CENPN: variants seen among roughly 807,000 people sequenced by gnomAD.
The protein encoded by CENPN is interphase centromere complex protein 32.
Under a neutral mutation model 48.6 loss-of-function variants are expected in CENPN, and 36 were observed. That is an observed-to-expected ratio of 0.74 (90% CI 0.57 to 0.98). The LOEUF is 0.98. Ranked by LOEUF, CENPN falls within the 50% of genes least tolerant of loss-of-function variation. The probability of loss-of-function intolerance (pLI) is 0.00; values close to 1 mark genes in which losing one functional copy is unlikely to be tolerated. For synonymous variants in CENPN, 166 were observed against 135.2 expected, an observed-to-expected ratio of 1.23 and a Z score of -1.58; for missense variants, 439 against 399.2, an observed-to-expected ratio of 1.10 and a Z score of -0.85.
chr16:81,014,457 T>A, intron 3 of CENPN: 1 of 387,626 alleles, frequency 2.6e-6, no homozygotes, highest in South Asian at 3.6e-5. Flanking sequence ...GGTCTCCAGC[T>A]CCTGGGCTAA....
In CENPN at chr16:81,029,087, A is replaced by G. The variant is rs1970650532; in HGVS notation, c.*436A>G. 1 of 986,308 alleles carries G rather than the reference A, an allele frequency of 1.0e-6. No individual in the cohort carries two copies. The highest frequency in any genetic ancestry group is 1.2e-6 in the Non-Finnish European group (1 of 830,594). 61.1% of individuals were successfully genotyped at this position (986,308 alleles called of 1,614,324 possible). On this transcript the variant is annotated 3_prime_UTR_variant, in exon 11 of 11. Transcript: ENST00000305850. ...TCACAGAGAGAAGCAACAAGGAACTATACTCAACTCAAAACTTTTTAGGAG... is the reference window on the plus strand; with the variant it reads ...TCACAGAGAGAAGCAACAAGGAACTGTACTCAACTCAAAACTTTTTAGGAG...
Position 81,022,398 on chromosome 16 carries a change from T to G in CENPN, c.532-199T>G, listed in dbSNP as rs1192184299. ...TTTTCTAAGAAATGATACAAAAGACTGCATTTATCAGAGTATTAATGCCAT... is the reference window on the plus strand; with the variant it reads ...TTTTCTAAGAAATGATACAAAAGACGGCATTTATCAGAGTATTAATGCCAT... On this transcript the variant is annotated intron_variant, in intron 6 of 10. Transcript: ENST00000305850. 5 of 528,850 alleles carry G rather than the reference T, an allele frequency of 9.5e-6. No individual in the cohort carries two copies. In the East Asian group the frequency reaches 1.6e-4, roughly 17 times the overall value. 32.8% of individuals were successfully genotyped at this position (528,850 alleles called of 1,614,324 possible).
chr16:81,016,437 G>T (rs1378944021), intron 3 of CENPN, among the ~76,000 whole-genome samples: 2 of 152,220 alleles, frequency 1.3e-5, no homozygotes, highest in Non-Finnish European at 2.9e-5. Flanking sequence ...AGTCTAACTG[G>T]AAAGACAGGC....
chr16:81,019,928 G>A (rs1448444530), intron 5 of CENPN, among the ~76,000 whole-genome samples, 172 bp from the exon 6 acceptor site: 3 of 149,816 alleles, frequency 2.0e-5, no homozygotes, highest in African/African-American at 7.4e-5. Flanking sequence ...ATCACAAAAT[G>A]TTTTCCCAAA....
chr16:81,020,855 C>T (rs1022247283), intron 6 of CENPN, among the ~76,000 whole-genome samples: 3 of 151,992 alleles, frequency 2.0e-5, no homozygotes, highest in Non-Finnish European at 2.9e-5. Context: ...TTTGGGAGGC[C>T]GAGGCAGGTG....
At position 81,031,191 on chromosome 16, in the gene CENPN, C is replaced by A. The variant is rs1970758040; in HGVS notation, c.*2540C>A. On this transcript the variant is annotated 3_prime_UTR_variant, in exon 11 of 11. Coordinates refer to ENST00000305850, the MANE Select transcript of CENPN (RefSeq NM_001100624.3). The stretch of plus-strand genomic sequence containing the variant: ...TAAAAGCTCCAAAAAAAAAACAATA[C>A]AGGAGCTTACCTTGAACCTTTGAAT... 6.6e-6 allele frequency: 1 copy of A among 150,494 alleles called. No individual in the cohort carries two copies. Among genetic ancestry groups the A allele is most frequent in the Middle Eastern group, 3.4e-3 (1 of 294 alleles). The allele number at this position is 150,494 out of a possible 1,614,324, so 9.3% of individuals were successfully genotyped here. A position where few individuals can be genotyped will look rare whatever the true frequency, so the allele number is the denominator to read the frequency against.
At chr16:81,012,216 C>G in intron 2 of CENPN, 106 bp downstream of exon 2, 1 of 981,664 alleles carries the variant, frequency 1.0e-6, no homozygotes, top group Non-Finnish European at 1.5e-6. Context: ...TGCTAAACTA[C>G]TAGTGAAGTG....
chr16:81,017,384 A>G lies in CENPN; in HGVS notation c.276A>G (p.Pro92=). The G allele has an allele frequency of 6.4e-7, 1 of 1,573,922 alleles. No individual in the cohort carries two copies. The highest frequency in any genetic ancestry group is 8.7e-7 in the Non-Finnish European group (1 of 1,144,522). Residue 92 remains proline, a splice_region_variant and synonymous_variant, in exon 4 of 11, where the codon CCA becomes CCG. Coordinates refer to ENST00000305850, the MANE Select transcript of CENPN (RefSeq NM_001100624.3). The stretch of plus-strand genomic sequence containing the variant: ...AAGTTTTTCAGATGAGTAAAGGACC[A>G]GGTAATATTTTCTGTTTACAATTGA... ...VWEVFQMSKG[P]GEDVDLFDMK...
In CENPN at chr16:81,029,661, T is replaced by C. The variant is rs562636027; in HGVS notation, c.*1010T>C. The stretch of plus-strand genomic sequence containing the variant: ...CACAATCTTGGCTCCCTGCAACCTC[T>C]GCCTCCTGGGTTGAAGAGATTCTCC... On this transcript the variant is annotated 3_prime_UTR_variant, in exon 11 of 11. Coordinates refer to ENST00000305850, the MANE Select transcript of CENPN (RefSeq NM_001100624.3). Among the ~76,000 whole-genome samples, 11 of 152,272 alleles carry C rather than the reference T, an allele frequency of 7.2e-5. No homozygotes were observed. The highest frequency in any genetic ancestry group is 6.5e-4 in the Admixed American group (10 of 15,296).
downstream of CENPN, chr16:81,032,966 G>T (rs1461709869): frequency 7.2e-6 from 2 of 276,060 alleles, no homozygotes; most frequent in Non-Finnish European, 1.3e-5. Context: ...CAGCTATGCT[G>T]CCTCGGATCT....
At chr16:81,013,016 A>T (rs372959452) in intron 2 of CENPN, among the ~76,000 whole-genome samples, 4 of 152,248 alleles carry the variant, frequency 2.6e-5, no homozygotes, top group Admixed American at 2.6e-4. Flanking sequence ...AGTTATATAA[A>T]TGAAGATGCA....
In CENPN at chr16:81,022,684, A is replaced by C. The variant is rs765175890; in HGVS notation, c.619A>C (p.Lys207Gln). 1.3e-5 allele frequency: 21 copies of C among 1,613,962 alleles called. No homozygotes were observed. In the African/African-American group the frequency reaches 2.4e-4, roughly 18 times the overall value. The change falls in exon 7 of 11, where the codon AAA becomes CAA. Residue 207 changes from lysine to glutamine, a missense_variant. Coordinates refer to ENST00000305850, the MANE Select transcript of CENPN (RefSeq NM_001100624.3). ...GGACTCTCTTAAGGCTATTGTTTTT[A>C]AACAGTATAATCAGGTGAGCCAATC... ...YLDSLKAIVF[K>Q]QYNQTFETHN...
intron 9 of CENPN, among the ~76,000 whole-genome samples, chr16:81,027,422 C>T (rs1356246884): frequency 6.6e-6 from 1 of 152,116 alleles, no homozygotes; most frequent in East Asian, 1.9e-4. Flanking sequence ...GAGGTCGAGG[C>T]TGCAATGAGC....
At chr16:81,021,725 A>G (rs1366925025) in intron 6 of CENPN, among the ~76,000 whole-genome samples, 3 of 151,468 alleles carry the variant, frequency 2.0e-5, no homozygotes, top group African/African-American at 4.9e-5. Context: ...ACCTTGCCAC[A>G]GGTAGTTTAA....
At chr16:81,008,032 G>T (rs777451262) in intron 1 of CENPN, among the ~76,000 whole-genome samples, 4 of 152,068 alleles carry the variant, frequency 2.6e-5, no homozygotes, top group African/African-American at 4.8e-5. Context: ...GCATGAACCC[G>T]GGAGGCGGAG....
At chr16:81,009,133 G>A (rs1567545632) in intron 1 of CENPN, among the ~76,000 whole-genome samples, 1 of 152,200 alleles carries the variant, frequency 6.6e-6, no homozygotes, top group Non-Finnish European at 1.5e-5. Context: ...TTTGAATCTG[G>A]GAGGCAGAGG....
In CENPN at chr16:81,012,076, A is replaced by G. The variant is rs1246957026; in HGVS notation, c.137A>G (p.Glu46Gly). Residue 46 changes from glutamate to glycine, a missense_variant, in exon 2 of 11, where the codon GAA becomes GGA. By Grantham distance (98) the Glu-to-Gly change is moderately conservative. Coordinates refer to ENST00000305850, the MANE Select transcript of CENPN (RefSeq NM_001100624.3). ...LQTVNFRQRK[E>G]SVVQHLIHLC... ...ACTGTAAATTTCCGACAGAGAAAGG[A>G]ATCTGTAGTTCAGCACTTGATCCAT... is the stretch of plus-strand genomic sequence containing the variant. 4 of 1,614,186 alleles carry G rather than the reference A, an allele frequency of 2.5e-6. No homozygotes were observed. Among genetic ancestry groups the G allele is most frequent in the Non-Finnish European group, 3.4e-6 (4 of 1,180,018 alleles).
chr16:81,024,963 A>G (rs1970397917), intron 8 of CENPN, among the ~76,000 whole-genome samples, 185 bp downstream of exon 8: 1 of 152,268 alleles, frequency 6.6e-6, no homozygotes, highest in Admixed American at 6.5e-5. Context: ...TTTAGAATTT[A>G]CTAGAATAAC....
At chr16:81,018,503 A>AT (rs1241853751) in intron 5 of CENPN, among the ~76,000 whole-genome samples, 1 of 152,128 alleles carries the variant, frequency 6.6e-6, no homozygotes, top group African/African-American at 2.4e-5. Context: ...AACTTCAATG[A>AT]TTTTTTACAT....
Sources: allele counts gnomAD v4.1 joint callset (sites outside exome capture counted in the v4.1 genomes callset), GRCh38; gene constraint gnomAD v4.1.1; transcripts MANE v1.5; gene names NCBI Gene and HGNC (gene_info 2026-07-23, HGNC 2026-07-21).